The following CFAP299 variants were observed in gnomAD, a reference collection of about 807,000 sequenced individuals.
The protein encoded by CFAP299 is cilia- and flagella-associated protein 299.
In CFAP299, 21 loss-of-function variants were observed where a neutral mutation model predicts 27.0. The observed-to-expected ratio is 0.78, with a 90% confidence interval of 0.55 to 1.12. The LOEUF is 1.12. Among genes scored for constraint, CFAP299 ranks in the 50% most tolerant of loss-of-function variants. The pLI is 0.00. For synonymous variants in CFAP299, 104 were observed against 98.1 expected (o/e 1.06, Z -0.36); for missense variants, 310 against 276.6 (o/e 1.12, Z -0.86).
At chr4:80,940,077 C>T (rs577339530) in intron 4 of CFAP299, among the ~76,000 whole-genome samples, 6 of 152,054 alleles carry the variant, frequency 3.9e-5, no homozygotes, top group Non-Finnish European at 8.8e-5. Flanking sequence ...CTCAGCAGCG[C>T]ACATAGAATG....
chr4:80,620,938 G>A (rs1738567335), intron 3 of CFAP299, among the ~76,000 whole-genome samples: 1 of 152,064 alleles, frequency 6.6e-6, no homozygotes, highest in South Asian at 2.1e-4. Flanking sequence ...CACAGACAGT[G>A]ATTATCAAAA....
chr4:80,876,708 G>A (rs946851974), intron 4 of CFAP299, among the ~76,000 whole-genome samples: 4 of 151,982 alleles, frequency 2.6e-5, no homozygotes, highest in African/African-American at 9.7e-5. Flanking sequence ...AGAGATCACT[G>A]CCATTATTTT....
At position 80,558,491 on chromosome 4, in the gene CFAP299, T is replaced by G. The variant is rs554180029; in HGVS notation, c.243-24602T>G. ...TTCCTGCAGTCCTGACAAAGGTAGC[T>G]TAGGAATTCCAGAGGTCATTCTCCT... On this transcript the variant is annotated intron_variant, in intron 2 of 5. Coordinates refer to ENST00000358105, the MANE Select transcript of CFAP299 (RefSeq NM_152770.3). 5.8e-4 allele frequency among the ~76,000 whole-genome samples: 88 copies of G among 151,952 alleles called. 1 individual carries two copies. The highest frequency in any genetic ancestry group is 2.0e-3 in the African/African-American group (81 of 41,468).
chr4:80,469,925 G>A (rs1264935647), intron 2 of CFAP299, among the ~76,000 whole-genome samples: 1 of 151,378 alleles, frequency 6.6e-6, no homozygotes, highest in African/African-American at 2.4e-5. Flanking sequence ...TTTTGTCTTA[G>A]TAAAAACATA....
intron 2 of CFAP299, among the ~76,000 whole-genome samples, chr4:80,481,199 C>T (rs1730549691): frequency 6.6e-6 from 1 of 151,890 alleles, no homozygotes; most frequent in Admixed American, 6.6e-5. Flanking sequence ...ACAAGGGTAC[C>T]AGTACTCTAT....
chr4:80,330,752 T>G (rs986436288), upstream of CFAP299, among the ~76,000 whole-genome samples: 1 of 152,210 alleles, frequency 6.6e-6, no homozygotes, highest in South Asian at 2.1e-4. Context: ...AAAATGTAGG[T>G]GCTAAAATTT....
At chr4:80,716,239 G>T (rs1722472498) in intron 3 of CFAP299, among the ~76,000 whole-genome samples, 1 of 151,928 alleles carries the variant, frequency 6.6e-6, no homozygotes, top group African/African-American at 2.4e-5. Flanking sequence ...TGGATATCTT[G>T]CTTGCTCTTC....
intron 2 of CFAP299, chr4:80,386,654 C>T (rs1725023335): frequency 1.5e-5 from 24 of 1,591,450 alleles, no homozygotes; most frequent in Non-Finnish European, 2.1e-5. Context: ...CGTGTGGGCG[C>T]GCAGGTGCTC....
chr4:80,468,378 C>T (rs1214124294), intron 2 of CFAP299, among the ~76,000 whole-genome samples: 1 of 151,946 alleles, frequency 6.6e-6, no homozygotes, highest in African/African-American at 2.4e-5. Flanking sequence ...TGCCCACCAC[C>T]ACACATGGCT....
intron 2 of CFAP299, among the ~76,000 whole-genome samples, chr4:80,471,328 G>A (rs1260254990): frequency 1.3e-5 from 2 of 151,400 alleles, no homozygotes; most frequent in African/African-American, 4.9e-5. Context: ...AATGAAAAAT[G>A]TTTTCCAAAC....
rs534487958 is a variant in CFAP299, at chr4:80,499,695, G to A, written c.243-83398G>A. On this transcript the variant is annotated intron_variant, in intron 2 of 5. Transcript: ENST00000358105. The stretch of plus-strand genomic sequence containing the variant: ...TTTTTTGTTTCTATTAATTTTAGAT[G>A]GGTGGGTGCGTGCACATGGAGATTT... Among the ~76,000 whole-genome samples the A allele has an allele frequency of 3.9e-5, 6 of 152,142 alleles. No homozygotes were observed. The South Asian group carries it at 6.2e-4, about 16-fold the overall frequency.
At chr4:80,843,830 A>G (rs929216822) in intron 3 of CFAP299, among the ~76,000 whole-genome samples, 3 of 152,070 alleles carry the variant, frequency 2.0e-5, no homozygotes, top group Non-Finnish European at 4.4e-5. Flanking sequence ...TTACATATGT[A>G]TACATGTGCC....
At chr4:80,565,461 A>C (rs1735233908) in intron 2 of CFAP299, among the ~76,000 whole-genome samples, 1 of 152,088 alleles carries the variant, frequency 6.6e-6, no homozygotes, top group African/African-American at 2.4e-5. Context: ...TTAAAAAACG[A>C]TCTATGTAGA....
intron 3 of CFAP299, among the ~76,000 whole-genome samples, chr4:80,651,342 TC>T (rs1740275133): frequency 6.7e-6 from 1 of 149,446 alleles, no homozygotes; most frequent in African/African-American, 2.5e-5. Context: ...TTCTTCTCCT[TC>T]CTTCTTCTTT....
intron 2 of CFAP299, among the ~76,000 whole-genome samples, chr4:80,540,591 C>A (rs924532596): frequency 1.3e-5 from 2 of 152,078 alleles, no homozygotes; most frequent in African/African-American, 4.8e-5. Flanking sequence ...GAAACCAAAA[C>A]AAAGTCTGTT....
At chr4:80,867,489 A>G (rs1028893471) in intron 3 of CFAP299, among the ~76,000 whole-genome samples, 1 of 152,230 alleles carries the variant, frequency 6.6e-6, no homozygotes, top group Admixed American at 6.5e-5. Context: ...TAAGGCTGAC[A>G]CTACAAAATA....
At chr4:80,461,194 G>T (rs977979417) in intron 2 of CFAP299, among the ~76,000 whole-genome samples, 22 of 152,154 alleles carry the variant, frequency 1.4e-4, no homozygotes, top group African/African-American at 5.3e-4. Flanking sequence ...GGTAGCAGGC[G>T]TTAGAGCTCT....
At chr4:80,482,313 T>C (rs1258104315) in intron 2 of CFAP299, among the ~76,000 whole-genome samples, 1 of 152,070 alleles carries the variant, frequency 6.6e-6, no homozygotes, top group African/African-American at 2.4e-5. Context: ...TGAAATATTG[T>C]CACTTTTGTC....
intron 3 of CFAP299, among the ~76,000 whole-genome samples, chr4:80,779,400 C>G (rs1230398134): frequency 6.6e-6 from 1 of 152,100 alleles, no homozygotes; most frequent in Non-Finnish European, 1.5e-5. Context: ...CCCTACCTAG[C>G]AATGTATCCT....
Sources: allele counts gnomAD v4.1 joint callset (sites outside exome capture counted in the v4.1 genomes callset), GRCh38; gene constraint gnomAD v4.1.1; transcripts MANE v1.5; gene names NCBI Gene and HGNC (gene_info 2026-07-23, HGNC 2026-07-21).